Variants in SH3PXD2A observed in about 807,000 individuals in gnomAD.
SH3PXD2A encodes SH3 and PX domains 2A.
SH3PXD2A carries 32 observed loss-of-function variants against 115.2 expected under a neutral mutation model. The ratio of observed to expected loss-of-function variants is 0.28; its 90% CI spans 0.21 to 0.37. The LOEUF (loss-of-function observed/expected upper bound fraction) is 0.37, where lower values mean the gene tolerates loss of function less well. Ranked by LOEUF, SH3PXD2A falls within the 10% of genes least tolerant of loss-of-function variation. The probability of loss-of-function intolerance (pLI) is 1.00; values close to 1 mark genes in which losing one functional copy is unlikely to be tolerated. For missense variants in SH3PXD2A, 1,328 were observed against 1,498.7 expected (o/e 0.89, Z 1.88); for synonymous variants, 610 against 629.1 (o/e 0.97, Z 0.45).
chr10:103,641,516 G>T (rs1287972947), intron 8 of SH3PXD2A, among the ~76,000 whole-genome samples: 1 of 152,146 alleles, frequency 6.6e-6, no homozygotes, highest in Non-Finnish European at 1.5e-5. Context: ...TTCATTCAGC[G>T]ACCCTTAAAA....
chr10:103,783,101 G>A (rs1197982903), intron 2 of SH3PXD2A, among the ~76,000 whole-genome samples: 2 of 152,180 alleles, frequency 1.3e-5, no homozygotes, highest in African/African-American at 4.8e-5. Flanking sequence ...CAGGTGAAGC[G>A]AGCGAGCTGG....
intron 8 of SH3PXD2A, among the ~76,000 whole-genome samples, chr10:103,641,311 C>T (rs1035482059): frequency 8.6e-5 from 13 of 152,044 alleles, no homozygotes; most frequent in Non-Finnish European, 1.6e-4. Flanking sequence ...TTGTGCAGGT[C>T]CCCCTCCTGG....
At chr10:103,618,021 G>C (rs1480693334) in intron 10 of SH3PXD2A, among the ~76,000 whole-genome samples, 1 of 152,226 alleles carries the variant, frequency 6.6e-6, no homozygotes, top group Non-Finnish European at 1.5e-5. Context: ...GCACAATCAG[G>C]CAGCACTGGC....
At chr10:103,657,155 AAG>A (rs1364814054) in intron 8 of SH3PXD2A, among the ~76,000 whole-genome samples, 1 of 152,128 alleles carries the variant, frequency 6.6e-6, no homozygotes, top group Non-Finnish European at 1.5e-5. Flanking sequence ...ATGGAAGTAT[AAG>A]AACTCCCAAT....
At chr10:103,762,891 C>G (rs1380090647) in intron 3 of SH3PXD2A, among the ~76,000 whole-genome samples, 2 of 151,654 alleles carry the variant, frequency 1.3e-5, no homozygotes, top group African/African-American at 4.9e-5. Flanking sequence ...CTCACAGACC[C>G]CCAATCCTTA....
intron 2 of SH3PXD2A, among the ~76,000 whole-genome samples, chr10:103,779,304 G>A (rs1347846191): frequency 6.6e-6 from 1 of 152,188 alleles, no homozygotes; most frequent in Non-Finnish European, 1.5e-5. Context: ...CTGACCTCAA[G>A]CGATCCACCC....
Position 103,720,966 on chromosome 10 carries a change from G to A in SH3PXD2A, c.398+3304C>T, listed in dbSNP as rs374918152. 3.9e-5 allele frequency among the ~76,000 whole-genome samples: 6 copies of A among 152,220 alleles called. No individual in the cohort carries two copies. The East Asian group carries it at 5.8e-4, about 15-fold the overall frequency. On this transcript the variant is annotated intron_variant, in intron 5 of 14. Coordinates refer to ENST00000369774, the MANE Select transcript of SH3PXD2A (RefSeq NM_001394015.1). ...AGCTCACTTCCTGAGCCTCAGACCTGTCTTGGGGCTGGAGGCATTCCTATT... is the reference window on the plus strand; with the variant it reads ...AGCTCACTTCCTGAGCCTCAGACCTATCTTGGGGCTGGAGGCATTCCTATT...
At chr10:103,714,937 C>A (rs1407742421) in intron 5 of SH3PXD2A, among the ~76,000 whole-genome samples, 1 of 152,200 alleles carries the variant, frequency 6.6e-6, no homozygotes, top group Non-Finnish European at 1.5e-5. Context: ...ACTTGGGATG[C>A]CCTGGAGTTT....
intron 2 of SH3PXD2A, among the ~76,000 whole-genome samples, chr10:103,796,829 T>C (rs1243762621): frequency 6.6e-6 from 1 of 151,750 alleles, no homozygotes; most frequent in Non-Finnish European, 1.5e-5. Context: ...TTTTTTAGTG[T>C]AAGTATATGC....
chr10:103,779,395 G>A (rs1477900283), intron 2 of SH3PXD2A, among the ~76,000 whole-genome samples: 1 of 152,206 alleles, frequency 6.6e-6, no homozygotes, highest in Non-Finnish European at 1.5e-5. Flanking sequence ...ATACCCCCGT[G>A]TGCCAGCCCC....
rs192332797 is a variant in SH3PXD2A, at chr10:103,639,576, C to G, written c.605-12374G>C. 4.5e-3 allele frequency among the ~76,000 whole-genome samples: 648 copies of G among 142,764 alleles called. 4 individuals are homozygous for G. Among genetic ancestry groups the G allele is most frequent in the African/African-American group, 0.016 (627 of 38,156 alleles). The allele number at this position is 142,764 out of a possible 152,430, so 93.7% of individuals were successfully genotyped here. On this transcript the variant is annotated intron_variant, in intron 8 of 14. Transcript: ENST00000369774. ...AGTGAGCCAAGATCGTGCCACTGCACTCCAGCCTGGCGACAGAGCGAGACT... is the reference window on the plus strand; with the variant it reads ...AGTGAGCCAAGATCGTGCCACTGCAGTCCAGCCTGGCGACAGAGCGAGACT...
At chr10:103,825,397 T>C (rs149941929) in intron 1 of SH3PXD2A, among the ~76,000 whole-genome samples, 295 of 152,354 alleles carry the variant, frequency 1.9e-3, no homozygotes, top group African/African-American at 6.8e-3. Context: ...AAAGGGGAGT[T>C]ATTATTTAAT....
intron 1 of SH3PXD2A, among the ~76,000 whole-genome samples, chr10:103,835,788 T>C (rs2039533560): frequency 6.6e-6 from 1 of 152,158 alleles, no homozygotes; most frequent in Non-Finnish European, 1.5e-5. Flanking sequence ...CACCACTCTA[T>C]AGTTCATGCA....
chr10:103,693,110 G>A, intron 5 of SH3PXD2A, 54 bp from the exon 6 acceptor site: 3 of 1,540,674 alleles, frequency 1.9e-6, no homozygotes, highest in Non-Finnish European at 2.7e-6. Flanking sequence ...GCGAGCGCGG[G>A]GCTGCAGCTG....
chr10:103,656,349 G>A (rs1291327951), intron 8 of SH3PXD2A, among the ~76,000 whole-genome samples: 1 of 152,220 alleles, frequency 6.6e-6, no homozygotes, highest in Non-Finnish European at 1.5e-5. Context: ...AAAACAATCA[G>A]ATTCAAACTT....
intron 3 of SH3PXD2A, among the ~76,000 whole-genome samples, chr10:103,764,676 C>CT (rs2038735477): frequency 6.6e-6 from 1 of 152,194 alleles, no homozygotes; most frequent in African/African-American, 2.4e-5. Flanking sequence ...TTAATCCTCA[C>CT]TGCAATCCTG....
At chr10:103,719,319 GT>G (rs1473060576) in intron 5 of SH3PXD2A, among the ~76,000 whole-genome samples, 1 of 152,238 alleles carries the variant, frequency 6.6e-6, no homozygotes, top group Non-Finnish European at 1.5e-5. Flanking sequence ...CAGGGCTGTG[GT>G]TAGAACCGTA....
rs1435687878 is a variant in SH3PXD2A at position 103,599,897 on chromosome 10, A to T, written c.*1919T>A. The T allele has an allele frequency of 6.6e-6, 1 of 152,580 alleles. No homozygotes were observed. Among genetic ancestry groups the T allele is most frequent in the Non-Finnish European group, 1.5e-5 (1 of 68,054 alleles). 9.5% of individuals were successfully genotyped at this position (152,580 alleles called of 1,614,324 possible). On this transcript the variant is annotated 3_prime_UTR_variant, in exon 15 of 15. Transcript: ENST00000369774. ...AACAATCTCACCACAGGCCTTCGAC[A>T]AAGAACACGAGCCATTTGCTCTAGC...
chr10:103,717,590 C>T (rs1292727446), intron 5 of SH3PXD2A, among the ~76,000 whole-genome samples: 3 of 152,146 alleles, frequency 2.0e-5, no homozygotes, highest in African/African-American at 4.8e-5. Flanking sequence ...TGGGGCCCTA[C>T]GGCCAGATCT....
Sources: allele counts gnomAD v4.1 joint callset (sites outside exome capture counted in the v4.1 genomes callset), GRCh38; gene constraint gnomAD v4.1.1; transcripts MANE v1.5; gene names NCBI Gene and HGNC (gene_info 2026-07-23, HGNC 2026-07-21).